Variants in TRIO observed in about 807,000 individuals in gnomAD.
TRIO encodes triple functional domain protein.
Under a neutral mutation model 351.9 loss-of-function variants are expected in TRIO, and 58 were observed. That is an observed-to-expected ratio of 0.16 (90% CI 0.13 to 0.21). The LOEUF is 0.21. Among genes scored for constraint, TRIO ranks in the 10% least tolerant of loss-of-function variants. The probability of loss-of-function intolerance (pLI) is 1.00; values close to 1 mark genes in which losing one functional copy is unlikely to be tolerated. For synonymous variants in TRIO, 1,758 were observed against 1,595.7 expected, an observed-to-expected ratio of 1.10 and a Z score of -2.42; for missense variants, 3,201 against 4,027.8, an observed-to-expected ratio of 0.79 and a Z score of 5.56.
At chr5:14,348,035 C>A (rs1742595485) in intron 11 of TRIO, among the ~76,000 whole-genome samples, 1 of 152,142 alleles carries the variant, frequency 6.6e-6, no homozygotes, top group Admixed American at 6.5e-5. Context: ...GCTGTCATGC[C>A]CCCAAATAAC....
At chr5:14,280,551 A>G in intron 3 of TRIO, 115 bp downstream of exon 3, 1 of 871,876 alleles carries the variant, frequency 1.1e-6, no homozygotes, top group Non-Finnish European at 1.8e-6. Context: ...AGTAGTATAA[A>G]ATGAAAGTCA....
Position 14,481,608 on chromosome 5 carries a change from A to G in TRIO, c.6455A>G (p.Gln2152Arg). 1 of 1,614,036 alleles carries G rather than the reference A, an allele frequency of 6.2e-7. No homozygotes were observed. The highest frequency in any genetic ancestry group is 1.7e-5 in the Admixed American group (1 of 60,008). ...GACATGATGAACGTGGGGCGGCTGC[A>G]AGGATTCGACGTAATGCGGCTCTTG... ...CNDMMNVGRL[Q>R]GFDGKIVAQG... The change falls in exon 45 of 57, where the codon CAA becomes CGA. Residue 2152 changes from glutamine (Q) to arginine (R), a missense_variant. Transcript: ENST00000344204.
At chr5:14,447,431 G>T (rs1752520717) in intron 34 of TRIO, among the ~76,000 whole-genome samples, 1 of 151,858 alleles carries the variant, frequency 6.6e-6, no homozygotes, top group East Asian at 1.9e-4. Context: ...TTCTGAATCT[G>T]GTATAAATTT....
intron 1 of TRIO, among the ~76,000 whole-genome samples, chr5:14,174,730 T>C (rs1789305081): frequency 1.3e-5 from 2 of 152,218 alleles, no homozygotes; most frequent in South Asian, 4.1e-4. Context: ...AAATAAATAA[T>C]AGTATCTAGA....
At chr5:14,388,529 T>G in intron 23 of TRIO, 84 bp from the exon 24 acceptor site, 1 of 1,332,134 alleles carries the variant, frequency 7.5e-7, no homozygotes, top group Non-Finnish European at 1.1e-6. Context: ...TTAGACCCAC[T>G]CTGTTATTTC....
At chr5:14,275,355 C>G (rs1186421940) in intron 2 of TRIO, among the ~76,000 whole-genome samples, 1 of 152,172 alleles carries the variant, frequency 6.6e-6, no homozygotes, top group African/African-American at 2.4e-5. Context: ...GAAACAGTTC[C>G]TCTCCATGTG....
chr5:14,492,982 TCA>T (rs1244492036), intron 49 of TRIO, among the ~76,000 whole-genome samples, 168 bp downstream of exon 49: 3 of 152,192 alleles, frequency 2.0e-5, no homozygotes, highest in African/African-American at 7.2e-5. Flanking sequence ...GCCTTCCATC[TCA>T]CACACTCAGA....
At chr5:14,240,975 G>A (rs1293171564) in intron 1 of TRIO, among the ~76,000 whole-genome samples, 1 of 152,112 alleles carries the variant, frequency 6.6e-6, no homozygotes, top group Admixed American at 6.6e-5. Flanking sequence ...AGAAGTTCTT[G>A]GGTCCCTAGA....
At chr5:14,153,085 C>T (rs888526458) in intron 1 of TRIO, among the ~76,000 whole-genome samples, 1 of 152,208 alleles carries the variant, frequency 6.6e-6, no homozygotes, top group Non-Finnish European at 1.5e-5. Flanking sequence ...GGAAGCTGTC[C>T]ACTGAACCAA....
intron 1 of TRIO, among the ~76,000 whole-genome samples, chr5:14,190,554 C>T (rs921129519): frequency 2.6e-5 from 4 of 152,126 alleles, no homozygotes; most frequent in South Asian, 4.2e-4. Flanking sequence ...CATTTGGTGC[C>T]GTGGAAGCGT....
At chr5:14,170,681 A>G (rs534645446) in intron 1 of TRIO, among the ~76,000 whole-genome samples, 1 of 151,604 alleles carries the variant, frequency 6.6e-6, no homozygotes, top group Non-Finnish European at 1.5e-5. Flanking sequence ...TAATTTTTGT[A>G]CTTTAGTCGA....
At chr5:14,173,190 CTTTTTTTTTTTTTTT>C (rs758636385) in intron 1 of TRIO, among the ~76,000 whole-genome samples, 1 of 66,516 alleles carries the variant, frequency 1.5e-5, no homozygotes, top group African/African-American at 7.6e-5. Context: ...TTGTATGTTC[CTTTTTTTTTTTTTTT>C]TTTTTTTTTT....
intron 34 of TRIO, among the ~76,000 whole-genome samples, chr5:14,428,445 C>G (rs1750825355): frequency 6.6e-6 from 1 of 152,086 alleles, no homozygotes; most frequent in Non-Finnish European, 1.5e-5. Flanking sequence ...CTGCTAATGT[C>G]AATTCCTGTG....
At chr5:14,206,686 A>G (rs891919254) in intron 1 of TRIO, among the ~76,000 whole-genome samples, 2 of 152,188 alleles carry the variant, frequency 1.3e-5, no homozygotes, top group Non-Finnish European at 2.9e-5. Context: ...ACTGAAGTAC[A>G]TATTCGTTAT....
intron 1 of TRIO, among the ~76,000 whole-genome samples, chr5:14,145,677 C>T (rs1787474358): frequency 1.3e-5 from 2 of 152,202 alleles, no homozygotes; most frequent in East Asian, 1.9e-4. Context: ...TAGAAAGGCT[C>T]TTCTGCGTTG....
At chr5:14,476,737 T>A (rs1755102265) in intron 40 of TRIO, among the ~76,000 whole-genome samples, 157 bp from the exon 41 acceptor site, 1 of 150,260 alleles carries the variant, frequency 6.7e-6, no homozygotes, top group Admixed American at 6.7e-5. Context: ...GAGGTTGCAG[T>A]GAACCAAGAT....
intron 3 of TRIO, among the ~76,000 whole-genome samples, chr5:14,285,898 G>T (rs1245688963): frequency 1.3e-5 from 2 of 152,168 alleles, no homozygotes; most frequent in Admixed American, 1.3e-4. Context: ...AGTGAGGGTT[G>T]CAGTTGTTCC....
chr5:14,145,793 C>G (rs1477693509), intron 1 of TRIO, among the ~76,000 whole-genome samples: 3 of 152,226 alleles, frequency 2.0e-5, no homozygotes, highest in East Asian at 3.9e-4. Flanking sequence ...TAAAAGACAC[C>G]GAAGATTTGC....
chr5:14,169,304 G>A (rs140488361), intron 1 of TRIO, among the ~76,000 whole-genome samples: 17 of 150,516 alleles, frequency 1.1e-4, no homozygotes, highest in African/African-American at 3.2e-4. Flanking sequence ...ACCAAGAGTC[G>A]TATTTTTAAG....
Sources: allele counts gnomAD v4.1 joint callset (sites outside exome capture counted in the v4.1 genomes callset), GRCh38; gene constraint gnomAD v4.1.1; transcripts MANE v1.5; gene names NCBI Gene and HGNC (gene_info 2026-07-23, HGNC 2026-07-21).